Variants in TYW1 observed in about 807,000 individuals in gnomAD.
TYW1 encodes tRNA-yW synthesizing protein 1 homolog.
Under a neutral mutation model 96.2 loss-of-function variants are expected in TYW1, and 46 were observed. That is an observed-to-expected ratio of 0.48 (90% CI 0.38 to 0.61). The LOEUF (loss-of-function observed/expected upper bound fraction) is 0.61, where lower values mean the gene tolerates loss of function less well. Among genes scored for constraint, TYW1 ranks in the 20% least tolerant of loss-of-function variants. The probability of loss-of-function intolerance (pLI) is 0.00; values close to 1 mark genes in which losing one functional copy is unlikely to be tolerated. For synonymous variants in TYW1, 274 were observed against 323.0 expected, an observed-to-expected ratio of 0.85 and a Z score of 1.63; for missense variants, 684 against 909.6, an observed-to-expected ratio of 0.75 and a Z score of 3.19.
At chr7:67,047,728 A>G (rs937395931) in intron 7 of TYW1, among the ~76,000 whole-genome samples, 14 of 151,146 alleles carry the variant, frequency 9.3e-5, no homozygotes, top group African/African-American at 3.2e-4. Context: ...TCCCTGAAGT[A>G]ACAGAGAATG....
At chr7:67,063,035 A>G (rs1302608871) in intron 9 of TYW1, among the ~76,000 whole-genome samples, 1 of 152,196 alleles carries the variant, frequency 6.6e-6, no homozygotes, top group Non-Finnish European at 1.5e-5. Flanking sequence ...ATTTAGATGT[A>G]GAAATCCTCA....
At chr7:67,163,686 T>G (rs540132248) in intron 13 of TYW1, among the ~76,000 whole-genome samples, 1 of 151,494 alleles carries the variant, frequency 6.6e-6, no homozygotes, top group East Asian at 1.9e-4. Context: ...TTTTTTTTTC[T>G]GAGACAGAGT....
At chr7:67,032,102 A>G (rs1258250618) in intron 7 of TYW1, among the ~76,000 whole-genome samples, 2 of 152,066 alleles carry the variant, frequency 1.3e-5, no homozygotes, top group African/African-American at 4.8e-5. Flanking sequence ...ATTAAAAGAG[A>G]CGATGAGAAA....
At chr7:67,233,729 T>A (rs1801805605) in intron 15 of TYW1, among the ~76,000 whole-genome samples, 1 of 136,280 alleles carries the variant, frequency 7.3e-6, no homozygotes, top group Admixed American at 7.4e-5. Flanking sequence ...TACCAAATTT[T>A]GCTCTTTCAG....
At position 67,027,271 on chromosome 7, in the gene TYW1, G is replaced by A. The variant is rs188955825; in HGVS notation, c.984+2249G>A. 5.7e-3 allele frequency among the ~76,000 whole-genome samples: 862 copies of A among 152,050 alleles called. 7 individuals carry two copies. Among genetic ancestry groups the A allele is most frequent in the Middle Eastern group, 0.017 (5 of 294 alleles). ...CAGAATAATTTCCAAATGGATGAGC[G>A]AGCTAAATGCTGAATGTTGAAAAAA... On this transcript the variant is annotated intron_variant, in intron 7 of 15. Transcript: ENST00000359626.
chr7:67,006,438 C>CT (rs34088521), intron 3 of TYW1, among the ~76,000 whole-genome samples: 28,251 of 114,642 alleles, frequency 0.25, 4,828 homozygotes, highest in East Asian at 0.49. Context: ...TTCTTTTTTC[C>CT]TTTTTTTTTT....
intron 12 of TYW1, among the ~76,000 whole-genome samples, chr7:67,104,237 T>G (rs1293001209): frequency 6.6e-6 from 1 of 152,126 alleles, no homozygotes; most frequent in Non-Finnish European, 1.5e-5. Context: ...AGGAATTAAC[T>G]GAGACTGGGT....
At chr7:67,208,223 A>T (rs1375350017) in intron 15 of TYW1, among the ~76,000 whole-genome samples, 2 of 151,984 alleles carry the variant, frequency 1.3e-5, no homozygotes, top group African/African-American at 2.4e-5. Context: ...TGCGAGGCTG[A>T]GGCAAGAGGA....
chr7:67,048,928 T>G (rs1283728479), intron 7 of TYW1, among the ~76,000 whole-genome samples: 1 of 152,188 alleles, frequency 6.6e-6, no homozygotes, highest in Non-Finnish European at 1.5e-5. Context: ...GCATGAGAAT[T>G]GCTTGAACCC....
At chr7:67,101,233 G>C (rs1488955737) in intron 12 of TYW1, among the ~76,000 whole-genome samples, 1 of 152,146 alleles carries the variant, frequency 6.6e-6, no homozygotes, top group Non-Finnish European at 1.5e-5. Flanking sequence ...AAGTTTGGCA[G>C]TTACCCAAGA....
At chr7:67,105,715 T>C (rs1474895195) in intron 12 of TYW1, among the ~76,000 whole-genome samples, 1 of 152,152 alleles carries the variant, frequency 6.6e-6, no homozygotes, top group Non-Finnish European at 1.5e-5. Context: ...GAGAAATTCC[T>C]GTCACCATTC....
intron 14 of TYW1, among the ~76,000 whole-genome samples, chr7:67,190,013 CTG>C (rs1211860795): frequency 6.6e-6 from 1 of 151,752 alleles, no homozygotes; most frequent in Non-Finnish European, 1.5e-5. Flanking sequence ...GAAATACTGT[CTG>C]TGTGTTCTCT....
intron 1 of TYW1, among the ~76,000 whole-genome samples, chr7:66,997,320 TA>T (rs35598285): frequency 0.63 from 94,442 of 149,292 alleles, 29,681 homozygotes; most frequent in African/African-American, 0.69. Flanking sequence ...ATATCTCTCT[TA>T]AAAAAAAAAA....
At chr7:67,136,862 G>A (rs143961761) in intron 13 of TYW1, among the ~76,000 whole-genome samples, 2,359 of 151,760 alleles carry the variant, frequency 0.016, 30 homozygotes, top group Admixed American at 0.044. Context: ...TCACTCTGTC[G>A]CCCAGGCTGG....
rs757397177 is a variant in TYW1 at position 66,996,941 on chromosome 7, A to T, written c.-38A>T. 1.7e-5 allele frequency: 27 copies of T among 1,613,860 alleles called. No homozygotes were observed. The Admixed American group carries it at 2.7e-4, about 16-fold the overall frequency. On this transcript the variant is annotated 5_prime_UTR_variant, in exon 1 of 16. Transcript: ENST00000359626. ...ACCAGTGCGAATCATCGGGCTATCCAGGTCCGAGATCCTAGTCTCCTGTCG... is the reference window on the plus strand; with the variant it reads ...ACCAGTGCGAATCATCGGGCTATCCTGGTCCGAGATCCTAGTCTCCTGTCG...
intron 7 of TYW1, among the ~76,000 whole-genome samples, chr7:67,025,644 G>C (rs996152711): frequency 2.0e-5 from 3 of 152,072 alleles, no homozygotes; most frequent in African/African-American, 7.2e-5. Context: ...CATGACTGGG[G>C]CCCCTAGGAA....
chr7:67,009,425 TG>T (rs1793713483), intron 3 of TYW1, among the ~76,000 whole-genome samples, 157 bp from the exon 4 acceptor site: 1 of 152,036 alleles, frequency 6.6e-6, no homozygotes, highest in South Asian at 2.1e-4. Context: ...CCCAAGAAAA[TG>T]GTAAGAGTGA....
chr7:67,141,279 T>G (rs1389413407), intron 13 of TYW1, among the ~76,000 whole-genome samples: 1 of 152,210 alleles, frequency 6.6e-6, no homozygotes, highest in Non-Finnish European at 1.5e-5. Context: ...TAACATTTAT[T>G]TACAGACTGG....
Position 67,211,150 on chromosome 7 carries a change from T to TTGTGTGTGTGTGTGTGTGTGTG in TYW1, c.1977+15833_1977+15854dup, listed in dbSNP as rs61112149. 2.9e-3 allele frequency among the ~76,000 whole-genome samples: 369 copies of TTGTGTGTGTGTGTGTGTGTGTG among 125,428 alleles called. 1 individual carries two copies. Among genetic ancestry groups the TTGTGTGTGTGTGTGTGTGTGTG allele is most frequent in the Non-Finnish European group, 3.2e-3 (183 of 57,744 alleles). The allele number at this position is 125,428 out of a possible 152,430, so 82.3% of individuals were successfully genotyped here. A position where few individuals can be genotyped will look rare whatever the true frequency, so the allele number is the denominator to read the frequency against. ...TTACTTTGCCATACCCCCATCAACA[T>TTGTGTGTGTGTGTGTGTGTGTG]TGTGTGTGTGTGTGTGTGTGTGTGT... On this transcript the variant is annotated intron_variant, in intron 15 of 15. Coordinates refer to ENST00000359626, the MANE Select transcript of TYW1 (RefSeq NM_018264.4).
Sources: allele counts gnomAD v4.1 joint callset (sites outside exome capture counted in the v4.1 genomes callset), GRCh38; gene constraint gnomAD v4.1.1; transcripts MANE v1.5; gene names NCBI Gene and HGNC (gene_info 2026-07-23, HGNC 2026-07-21).